Variants in CACNA1E observed in about 807,000 individuals in gnomAD.
CACNA1E encodes the protein calcium voltage-gated channel subunit alpha1 E.
In CACNA1E, 40 loss-of-function variants were observed where a neutral mutation model predicts 259.2. That is an observed-to-expected ratio of 0.15 (90% CI 0.12 to 0.20). The LOEUF (loss-of-function observed/expected upper bound fraction) is 0.20, where lower values mean the gene tolerates loss of function less well. Ranked by LOEUF, CACNA1E falls within the 10% of genes least tolerant of loss-of-function variation. The pLI, the probability that CACNA1E is intolerant of heterozygous loss-of-function variation, is 1.00. For missense variants in CACNA1E, 1,874 were observed against 3,040.1 expected (o/e 0.62, Z 9.02); for synonymous variants, 1,104 against 1,138.5 (o/e 0.97, Z 0.61).
At chr1:181,755,890 G>A (rs573363124) in intron 28 of CACNA1E, 66 bp from the exon 29 acceptor site, 5 of 1,516,792 alleles carry the variant, frequency 3.3e-6, no homozygotes, top group Non-Finnish European at 4.5e-6. Flanking sequence ...CCTGTAGAAT[G>A]TGCTGACTCT....
At chr1:181,585,479 C>A (rs142562788) in intron 6 of CACNA1E, among the ~76,000 whole-genome samples, 6 of 152,144 alleles carry the variant, frequency 3.9e-5, no homozygotes, top group Non-Finnish European at 7.3e-5. Flanking sequence ...AGGAAAGTCC[C>A]GGCCCTCATG....
chr1:181,355,919 T>C (rs115780162), intron 1 of CACNA1E, among the ~76,000 whole-genome samples: 55 of 152,344 alleles, frequency 3.6e-4, no homozygotes, highest in African/African-American at 1.3e-3. Context: ...GTAAGGCAAT[T>C]AATTTGCATA....
chr1:181,601,802 G>A (rs1429413718), intron 6 of CACNA1E, among the ~76,000 whole-genome samples: 1 of 152,108 alleles, frequency 6.6e-6, no homozygotes. Flanking sequence ...CCCTCCAGTA[G>A]CTCCTCTTCC....
intron 2 of CACNA1E, among the ~76,000 whole-genome samples, chr1:181,454,781 T>G (rs1558017139): frequency 1.3e-5 from 2 of 152,232 alleles, no homozygotes; most frequent in Non-Finnish European, 2.9e-5. Context: ...TGACCTGATA[T>G]TCATTCACTT....
chr1:181,683,919 C>T (rs771622310), intron 7 of CACNA1E, among the ~76,000 whole-genome samples: 4 of 152,092 alleles, frequency 2.6e-5, no homozygotes, highest in Non-Finnish European at 4.4e-5. Context: ...GTGTTTTTAT[C>T]GTAGAACAAT....
intron 7 of CACNA1E, among the ~76,000 whole-genome samples, chr1:181,690,276 A>G (rs1651011953): frequency 6.6e-6 from 1 of 152,216 alleles, no homozygotes; most frequent in South Asian, 2.1e-4. Context: ...GTCAAAGATC[A>G]GATGGTTGTA....
intron 7 of CACNA1E, among the ~76,000 whole-genome samples, chr1:181,663,348 G>A (rs1050119433): frequency 7.2e-5 from 11 of 152,176 alleles, no homozygotes; most frequent in Non-Finnish European, 5.9e-5. Context: ...GCCTAAGGGT[G>A]CACAGTCTAA....
intron 6 of CACNA1E, among the ~76,000 whole-genome samples, chr1:181,587,168 C>G (rs1168730843): frequency 1.3e-5 from 2 of 152,156 alleles, no homozygotes; most frequent in African/African-American, 2.4e-5. Context: ...CCTATTGCTT[C>G]TATTTTCTCA....
intron 6 of CACNA1E, among the ~76,000 whole-genome samples, chr1:181,588,012 C>G (rs1026479008): frequency 1.3e-5 from 2 of 152,208 alleles, no homozygotes; most frequent in Non-Finnish European, 2.9e-5. Context: ...ACCAAATGTT[C>G]TGATTTCTAA....
chr1:181,602,207 A>G (rs1653811017), intron 6 of CACNA1E, among the ~76,000 whole-genome samples: 1 of 152,160 alleles, frequency 6.6e-6, no homozygotes. Context: ...AAGTGATCCC[A>G]CTAGAGTACA....
chr1:181,779,615 C>T, intron 38 of CACNA1E: 1 of 326,358 alleles, frequency 3.1e-6, no homozygotes, highest in Non-Finnish European at 6.4e-6. Flanking sequence ...CTCTGCTCCA[C>T]CACCACTGCG....
chr1:181,493,154 T>G (rs956501055), intron 1 of CACNA1E, among the ~76,000 whole-genome samples: 1 of 152,208 alleles, frequency 6.6e-6, no homozygotes, highest in African/African-American at 2.4e-5. Flanking sequence ...AATTTTGCAT[T>G]CAATTTTAGA....
intron 3 of CACNA1E, among the ~76,000 whole-genome samples, chr1:181,516,884 C>G (rs1007060258): frequency 4.6e-5 from 7 of 152,232 alleles, no homozygotes; most frequent in Non-Finnish European, 1.0e-4. Flanking sequence ...CCTGCGTTGG[C>G]TCTTCCCTTT....
At chr1:181,604,868 A>T (rs1654079889) in intron 6 of CACNA1E, among the ~76,000 whole-genome samples, 1 of 152,154 alleles carries the variant, frequency 6.6e-6, no homozygotes, top group Admixed American at 6.5e-5. Flanking sequence ...GGTCAGAGTG[A>T]ATCTTTTATC....
At position 181,801,036 on chromosome 1, in the gene CACNA1E, A is replaced by G. The variant is rs1397532806; in HGVS notation, c.*2202A>G. On this transcript the variant is annotated 3_prime_UTR_variant, in exon 48 of 48. Coordinates refer to ENST00000367573, the MANE Select transcript of CACNA1E (RefSeq NM_001205293.3). ...CTAACAGGTGTGATTGTTACGTAAG[A>G]CGCTGATACTGGGCCTTGTATTGCT... 6.5e-6 allele frequency: 1 copy of G among 152,678 alleles called. No homozygotes were observed. Among genetic ancestry groups the G allele is most frequent in the Non-Finnish European group, 1.5e-5 (1 of 68,048 alleles). 9.5% of individuals were successfully genotyped at this position (152,678 alleles called of 1,614,324 possible).
intron 7 of CACNA1E, among the ~76,000 whole-genome samples, chr1:181,689,615 G>A (rs1277796781): frequency 6.6e-6 from 1 of 151,968 alleles, no homozygotes; most frequent in Non-Finnish European, 1.5e-5. Context: ...AAGCATTCCT[G>A]TTCCTCCACA....
At chr1:181,638,065 A>G (rs903998592) in intron 6 of CACNA1E, among the ~76,000 whole-genome samples, 1 of 152,160 alleles carries the variant, frequency 6.6e-6, no homozygotes. Context: ...GGTATTAAGC[A>G]GGGGAGAGAC....
At chr1:181,673,870 T>G (rs1309775309) in intron 7 of CACNA1E, among the ~76,000 whole-genome samples, 1 of 152,132 alleles carries the variant, frequency 6.6e-6, no homozygotes, top group African/African-American at 2.4e-5. Context: ...ACCATTTTAT[T>G]TTATCCCAGC....
At position 181,783,702 on chromosome 1, in the gene CACNA1E, A is replaced by G. The variant is rs751449531; in HGVS notation, c.5388A>G (p.Pro1796=). 2.5e-6 allele frequency: 4 copies of G among 1,608,632 alleles called. No homozygotes were observed. The highest frequency in any genetic ancestry group is 1.7e-5 in the Admixed American group (1 of 59,690). ...AGAGGTTGGTCCTGATGAACATGCC[A>G]GTAGCTGAGGACATGACGGTCCACT... The part of the protein sequence containing the change: ...AYKRLVLMNM[P]VAEDMTVHFT... Residue 1796 remains proline (P), a synonymous_variant, in exon 40 of 48, where the codon CCA becomes CCG. Transcript: ENST00000367573.
Sources: gnomAD v4.1 joint callset for allele counts (sites outside exome capture counted in the v4.1 genomes callset) on GRCh38, gnomAD v4.1.1 for gene constraint, MANE v1.5 for transcripts, NCBI Gene and HGNC (gene_info 2026-07-23, HGNC 2026-07-21) for gene names.